Variants in IMMP1L observed in about 807,000 individuals in gnomAD.
IMMP1L encodes the protein mitochondrial inner membrane protease subunit 1.
Under a neutral mutation model 21.8 loss-of-function variants are expected in IMMP1L, and 24 were observed. The ratio of observed to expected loss-of-function variants is 1.10; its 90% CI spans 0.80 to 1.55. The LOEUF is 1.55. Among genes scored for constraint, IMMP1L ranks in the 40% most tolerant of loss-of-function variants. IMMP1L has a pLI of 0.00. For missense variants in IMMP1L, 195 were observed against 200.7 expected, an observed-to-expected ratio of 0.97 and a Z score of 0.17; for synonymous variants, 46 against 62.8, an observed-to-expected ratio of 0.73 and a Z score of 1.26.
chr11:31,473,489 T>C (rs899938995), intron 1 of IMMP1L, among the ~76,000 whole-genome samples: 1 of 152,146 alleles, frequency 6.6e-6, no homozygotes, highest in African/African-American at 2.4e-5. Context: ...CTACACCATA[T>C]TGCCTCTCAA....
At chr11:31,502,468 C>G (rs1209603454) in intron 1 of IMMP1L, among the ~76,000 whole-genome samples, 1 of 152,140 alleles carries the variant, frequency 6.6e-6, no homozygotes, top group African/African-American at 2.4e-5. Context: ...CTAACACTAC[C>G]CATTGGTCCA....
At chr11:31,499,843 C>T (rs1450845363) in intron 1 of IMMP1L, among the ~76,000 whole-genome samples, 1 of 151,882 alleles carries the variant, frequency 6.6e-6, no homozygotes, top group Non-Finnish European at 1.5e-5. Context: ...CCTAGCCAAG[C>T]ACAAACATGA....
intron 4 of IMMP1L, among the ~76,000 whole-genome samples, chr11:31,450,580 A>C (rs1591961740): frequency 2.0e-5 from 3 of 152,332 alleles, no homozygotes; most frequent in East Asian, 3.9e-4. Context: ...GAACATTCCA[A>C]TATTTTCTAC....
intron 4 of IMMP1L, among the ~76,000 whole-genome samples, chr11:31,435,051 G>A (rs896845514): frequency 2.0e-5 from 3 of 152,124 alleles, no homozygotes; most frequent in African/African-American, 7.2e-5. Flanking sequence ...AACATCTTTC[G>A]TGTCTAAATT....
At chr11:31,473,661 T>G in intron 1 of IMMP1L, 1 of 623,640 alleles carries the variant, frequency 1.6e-6, no homozygotes, top group Non-Finnish European at 2.0e-6. Context: ...CTTTAGAAAT[T>G]TCTGGGCATA....
intron 1 of IMMP1L, among the ~76,000 whole-genome samples, chr11:31,483,817 T>C (rs781189699): frequency 2.6e-5 from 4 of 151,982 alleles, no homozygotes; most frequent in Non-Finnish European, 5.9e-5. Flanking sequence ...AAATATAATT[T>C]ACTCTTTAAT....
intron 4 of IMMP1L, among the ~76,000 whole-genome samples, chr11:31,454,980 A>C (rs1440235870): frequency 6.6e-6 from 1 of 152,232 alleles, no homozygotes; most frequent in Non-Finnish European, 1.5e-5. Flanking sequence ...TTTTAAGAAG[A>C]GGATACAGTG....
At chr11:31,477,681 C>T in intron 1 of IMMP1L, 1 of 207,130 alleles carries the variant, frequency 4.8e-6, no homozygotes. Context: ...TACACTGGTA[C>T]TAAATCTTGC....
At chr11:31,485,860 A>G (rs978135977) in intron 1 of IMMP1L, among the ~76,000 whole-genome samples, 2 of 151,960 alleles carry the variant, frequency 1.3e-5, no homozygotes, top group Non-Finnish European at 2.9e-5. Context: ...TGATGTTCAC[A>G]GTAACAACTC....
chr11:31,460,520 T>G, intron 3 of IMMP1L, 106 bp downstream of exon 3: 1 of 641,752 alleles, frequency 1.6e-6, no homozygotes, highest in Non-Finnish European at 2.7e-6. Context: ...TTAATATGTT[T>G]ATTTATGAAA....
intron 1 of IMMP1L, among the ~76,000 whole-genome samples, chr11:31,494,746 C>T (rs961685793): frequency 5.9e-5 from 9 of 151,924 alleles, no homozygotes; most frequent in Non-Finnish European, 7.4e-5. Flanking sequence ...GATTTACTTA[C>T]GCCATTCTCC....
chr11:31,487,516 A>G (rs1173160009), intron 1 of IMMP1L, among the ~76,000 whole-genome samples: 3 of 152,156 alleles, frequency 2.0e-5, no homozygotes, highest in African/African-American at 4.8e-5. Context: ...TGCATACAAC[A>G]TGAAGGTCCA....
At chr11:31,433,356 C>A in intron 5 of IMMP1L, 104 bp downstream of exon 5, 1 of 624,342 alleles carries the variant, frequency 1.6e-6, no homozygotes. Context: ...ATATTCGGTG[C>A]AACAGTTAAG....
intron 4 of IMMP1L, among the ~76,000 whole-genome samples, chr11:31,454,449 CAAAAAAA>C (rs71463320): frequency 2.6e-4 from 8 of 30,400 alleles, no homozygotes; most frequent in African/African-American, 4.5e-4. Flanking sequence ...AAGACCATGT[CAAAAAAA>C]AAAAAAAAAA....
intron 1 of IMMP1L, among the ~76,000 whole-genome samples, chr11:31,504,339 A>T (rs1955719746): frequency 6.6e-6 from 1 of 152,168 alleles, no homozygotes; most frequent in South Asian, 2.1e-4. Context: ...ATATAAAAGA[A>T]CTCCTACAAA....
chr11:31,433,599 T>TA, intron 4 of IMMP1L, 29 bp from the exon 5 acceptor site: 3 of 1,417,448 alleles, frequency 2.1e-6, no homozygotes, highest in Non-Finnish European at 3.0e-6. Flanking sequence ...TGCAGCCTCT[T>TA]AAAGATAAAA....
intron 4 of IMMP1L, among the ~76,000 whole-genome samples, chr11:31,439,208 A>G (rs1591942614): frequency 6.6e-6 from 1 of 151,920 alleles, no homozygotes; most frequent in Non-Finnish European, 1.5e-5. Flanking sequence ...CTTCTCTTCT[A>G]CCCACTATCC....
intron 4 of IMMP1L, among the ~76,000 whole-genome samples, chr11:31,447,050 A>C (rs1037575234): frequency 1.3e-5 from 2 of 152,216 alleles, no homozygotes; most frequent in African/African-American, 4.8e-5. Flanking sequence ...GGATATTTCC[A>C]TTATTTCAGA....
At chr11:31,457,510 CAT>C (rs1953986563) in intron 3 of IMMP1L, among the ~76,000 whole-genome samples, 1 of 152,030 alleles carries the variant, frequency 6.6e-6, no homozygotes, top group Non-Finnish European at 1.5e-5. Context: ...TTTAATGAAG[CAT>C]ATGTCAAAAT....
Sources: allele counts gnomAD v4.1 joint callset (sites outside exome capture counted in the v4.1 genomes callset), GRCh38; gene constraint gnomAD v4.1.1; transcripts MANE v1.5; gene names NCBI Gene and HGNC (gene_info 2026-07-23, HGNC 2026-07-21).